The following BAP1 variants were observed in gnomAD, a reference collection of about 807,000 sequenced individuals.
BAP1 encodes BRCA1 associated deubiquitinase 1.
Under a neutral mutation model 77.2 loss-of-function variants are expected in BAP1, and 16 were observed. That is an observed-to-expected ratio of 0.21 (90% CI 0.14 to 0.31). BAP1 has a LOEUF of 0.31. Among genes scored for constraint, BAP1 ranks in the 10% least tolerant of loss-of-function variants. The probability of loss-of-function intolerance (pLI) is 1.00; values close to 1 mark genes in which losing one functional copy is unlikely to be tolerated. For synonymous variants in BAP1, 362 were observed against 385.2 expected (o/e 0.94, Z 0.71); for missense variants, 699 against 967.3 (o/e 0.72, Z 3.68).
Position 52,406,493 on chromosome 3 carries a change from C to T in BAP1, c.660-117G>A. On this transcript the variant is annotated intron_variant, in intron 8 of 16. Transcript: ENST00000460680. This position sits in a 1 kb window ranked among gnomAD's most constrained non-coding sequence, Gnocchi z 4.6. ...CACCTGCAGCTGTAGGTATAGGCCC[C>T]ACCCCAACAGGCAGGCAGCGACTAG... 1.3e-6 allele frequency: 2 copies of T among 1,502,042 alleles called. No individual in the cohort carries two copies. The highest frequency in any genetic ancestry group is 2.3e-5 in the East Asian group (1 of 42,590). The allele number at this position is 1,502,042 out of a possible 1,614,324, so 93.0% of individuals were successfully genotyped here. A position where few individuals can be genotyped will look rare whatever the true frequency, so the allele number is the denominator to read the frequency against.
At position 52,403,377 on chromosome 3, in the gene BAP1, G is replaced by C. The variant is rs373869774; in HGVS notation, c.1729+39C>G. The C allele has an allele frequency of 1.0e-4, 161 of 1,612,268 alleles. No individual in the cohort carries two copies. In the African/African-American group the frequency reaches 1.3e-3, roughly 13 times the overall value. On this transcript the variant is annotated intron_variant, in intron 13 of 16. Coordinates refer to ENST00000460680, the MANE Select transcript of BAP1 (RefSeq NM_004656.4). This position sits in a 1 kb window ranked among gnomAD's most constrained non-coding sequence, Gnocchi z 4.0. ...CTTGGCCACTTCCCTCCTCCCTCCT[G>C]GGTGCACCAAGTGGCCAGTGAGCCA...
intron 10 of BAP1, 131 bp from the exon 11 acceptor site, chr3:52,405,425 C>A: frequency 1.2e-6 from 1 of 865,810 alleles, no homozygotes; most frequent in Non-Finnish European, 1.7e-6. Context: ...TGGGAGTCAG[C>A]AAGCTCTAAG....
In BAP1 at chr3:52,406,300, G is replaced by C. The variant is rs999764581; in HGVS notation, c.736C>G (p.His246Asp). 6.2e-7 allele frequency: 1 copy of C among 1,614,206 alleles called. No homozygotes were observed. Among genetic ancestry groups the C allele is most frequent in the African/African-American group, 1.3e-5 (1 of 75,068 alleles). Residue 246 changes from histidine (H) to aspartate (D), a missense_variant, in exon 9 of 17, where the codon CAT becomes GAT. Coordinates refer to ENST00000460680, the MANE Select transcript of BAP1 (RefSeq NM_004656.4). This position sits in a 1 kb window ranked among gnomAD's most constrained non-coding sequence, Gnocchi z 4.6. ...GTCTGACGGTTCACCTTCAGCACATGCAGCCTGGCCTCATACTTGATCCTG... is the reference window on the plus strand; with the variant it reads ...GTCTGACGGTTCACCTTCAGCACATCCAGCCTGGCCTCATACTTGATCCTG... ...DRRIKYEARL[H>D]VLKVNRQTVL...
chr3:52,406,928 G>A lies in BAP1; in HGVS notation c.581-21C>T, dbSNP rs542651543. 3 of 1,562,196 alleles carry A rather than the reference G, an allele frequency of 1.9e-6. No homozygotes were observed. The South Asian group carries it at 3.5e-5, about 18-fold the overall frequency. ...GGGCCCTAGTGGAGACCAAGACAAG[G>A]AATCAGCGAGAAGGAAACCCTGAGT... On this transcript the variant is annotated intron_variant, in intron 7 of 16. Coordinates refer to ENST00000460680, the MANE Select transcript of BAP1 (RefSeq NM_004656.4). The surrounding 1 kb of genome is among the most constrained non-coding windows in gnomAD (Gnocchi z 4.6).
rs946145283 is a variant in BAP1, at chr3:52,403,734, C to T, written c.1411G>A (p.Ala471Thr). ...GGCACTGCCACAGCCGGACTCCCAG[C>T]CCCGCTGCTAGTCTTGATGGACAGA... ...IPLSIKTSSG[A>T]GSPAVAVPTH... The change falls in exon 13 of 17, where the codon GCT (alanine) becomes ACT (threonine). Residue 471 changes from alanine (A) to threonine (T), a missense_variant. Coordinates refer to ENST00000460680, the MANE Select transcript of BAP1 (RefSeq NM_004656.4). The surrounding 1 kb of genome is among the most constrained non-coding windows in gnomAD (Gnocchi z 4.0). 1.2e-6 allele frequency: 2 copies of T among 1,613,924 alleles called. No homozygotes were observed. The highest frequency in any genetic ancestry group is 2.7e-5 in the African/African-American group (2 of 74,898).
Position 52,402,326 on chromosome 3 carries a change from G to C in BAP1, c.2152C>G (p.Arg718Gly). 1 of 1,593,896 alleles carries C rather than the reference G, an allele frequency of 6.3e-7. No homozygotes were observed. Among genetic ancestry groups the C allele is most frequent in the Non-Finnish European group, 8.5e-7 (1 of 1,171,758 alleles). ...GCCTTGTAGGGGCGAGAGCGTTTCC[G>C]CCGGTCAGGCTTCCGCTGCTTGTGG... ...RLHKQRKPDR[R>G]KRSRPYKAKR... is the part of the protein sequence containing the mutation. Residue 718 changes from arginine (R) to glycine (G), a missense_variant, in exon 17 of 17, where the codon CGG becomes GGG. Arg to Gly is a moderately radical substitution (Grantham distance 125). Coordinates refer to ENST00000460680, the MANE Select transcript of BAP1 (RefSeq NM_004656.4). The surrounding 1 kb of genome is among the most constrained non-coding windows in gnomAD (Gnocchi z 5.3).
Position 52,409,540 on chromosome 3 carries a change from G to T in BAP1, c.122+14C>A, listed in dbSNP as rs769043598. ...TCTGGGTGTAAGGGGCAGCCCTGGT[G>T]TACAGCCACTCACCCCTGACATTTG... On this transcript the variant is annotated intron_variant, in intron 3 of 16. Coordinates refer to ENST00000460680, the MANE Select transcript of BAP1 (RefSeq NM_004656.4). 1 of 1,614,022 alleles carries T rather than the reference G, an allele frequency of 6.2e-7. No individual in the cohort carries two copies. The highest frequency in any genetic ancestry group is 1.3e-5 in the African/African-American group (1 of 74,904).
At position 52,406,047 on chromosome 3, in the gene BAP1, AC is replaced by A; in HGVS notation, c.784-136del. 2.7e-6 allele frequency: 4 copies of A among 1,500,058 alleles called. No homozygotes were observed. Among genetic ancestry groups the A allele is most frequent in the Non-Finnish European group, 3.6e-6 (4 of 1,102,442 alleles). 92.9% of individuals were successfully genotyped at this position (1,500,058 alleles called of 1,614,324 possible). A position where few individuals can be genotyped will look rare whatever the true frequency, so the allele number is the denominator to read the frequency against. On this transcript the variant is annotated intron_variant, in intron 9 of 16. Coordinates refer to ENST00000460680, the MANE Select transcript of BAP1 (RefSeq NM_004656.4). This position sits in a 1 kb window ranked among gnomAD's most constrained non-coding sequence, Gnocchi z 4.6. Reference sequence around the variant, plus strand: ...ACTCACAGGGAAATAAAACACCCAAACCCAAACTTCCTTTTAGAAGCTATTC... The same window carrying A: ...ACTCACAGGGAAATAAAACACCCAAACCAAACTTCCTTTTAGAAGCTATTC...
chr3:52,403,596 T>G lies in BAP1; in HGVS notation c.1549A>C (p.Thr517Pro), dbSNP rs1449536422. 6.2e-7 allele frequency: 1 copy of G among 1,613,904 alleles called. No homozygotes were observed. The highest frequency in any genetic ancestry group is 8.5e-7 in the Non-Finnish European group (1 of 1,179,990). ...GAGGTGACAGGGCTGGAGGGCCGCG[T>G]CGGGTTGGCTGAGCGGATAGGCGAG... ...LRSPIRSANP[T>P]RPSSPVTSHI... Residue 517 changes from threonine to proline, a missense_variant, in exon 13 of 17, where the codon ACG becomes CCG. Thr to Pro is a conservative substitution (Grantham distance 38). Around this residue, in one of 3 missense-constraint regions of BAP1, gnomAD observed 475 missense variants for 532.4 expected, o/e 0.89. Coordinates refer to ENST00000460680, the MANE Select transcript of BAP1 (RefSeq NM_004656.4). The surrounding 1 kb of genome is among the most constrained non-coding windows in gnomAD (Gnocchi z 4.0).
At position 52,408,097 on chromosome 3, in the gene BAP1, C is replaced by A. The variant is rs949325542; in HGVS notation, c.256-20G>T. 4 of 1,588,572 alleles carry A rather than the reference C, an allele frequency of 2.5e-6. No homozygotes were observed. In the African/African-American group the frequency reaches 5.4e-5, roughly 21 times the overall value. On this transcript the variant is annotated intron_variant, in intron 4 of 16. Transcript: ENST00000460680. ...TATCAGCTGTGAAACCAAGAATAGT[C>A]ACCCATACACAGCACCCCTCACTGC...
chr3:52,405,259 C>A lies in BAP1; in HGVS notation c.967G>T (p.Ala323Ser). The A allele has an allele frequency of 1.2e-6, 2 of 1,613,872 alleles. No homozygotes were observed. The highest frequency in any genetic ancestry group is 1.7e-6 in the Non-Finnish European group (2 of 1,180,016). Residue 323 changes from alanine to serine, a missense_variant, in exon 11 of 17, where the codon GCC becomes TCC. Ala to Ser is a moderately conservative substitution (Grantham distance 99). This residue lies in a region of BAP1 where 475 missense variants were observed against 532.4 expected (regional missense o/e 0.89). Transcript: ENST00000460680. ...TTGTTGGGAGGGCTGTGGGATGGGG[C>A]TTGTGCGCATGAACCAGCCGCCTCC... ...AEEAAGSCAQ[A>S]PSHSPPNKPK...
rs1704953899 is a variant in BAP1, at chr3:52,401,517, A to C, written c.*771T>G. ...GCCCATAGCTAGGGCCACAACACTGAAGGCGAAGAGCCCTAGAACCTTGCT... is the reference window on the plus strand; with the variant it reads ...GCCCATAGCTAGGGCCACAACACTGCAGGCGAAGAGCCCTAGAACCTTGCT... On this transcript the variant is annotated 3_prime_UTR_variant, in exon 17 of 17. Coordinates refer to ENST00000460680, the MANE Select transcript of BAP1 (RefSeq NM_004656.4). The C allele has an allele frequency of 4.3e-6, 1 of 233,654 alleles. No homozygotes were observed. The highest frequency in any genetic ancestry group is 5.6e-5 in the Admixed American group (1 of 17,788). The allele number at this position is 233,654 out of a possible 1,614,324, so 14.5% of individuals were successfully genotyped here.
intron 12 of BAP1, among the ~76,000 whole-genome samples, chr3:52,404,238 A>G (rs763804675): frequency 7.2e-5 from 11 of 152,210 alleles, no homozygotes; most frequent in Non-Finnish European, 1.3e-4. Flanking sequence ...CCAATAGGAC[A>G]TGATATAAGC....
At position 52,405,492 on chromosome 3, in the gene BAP1, GAAAAAAAAAAA is replaced by G. The variant is rs71084182; in HGVS notation, c.932-209_932-199del. 22 of 81,316 alleles carry G rather than the reference GAAAAAAAAAAA, an allele frequency of 2.7e-4. No individual in the cohort carries two copies. In the East Asian group the frequency reaches 2.9e-3, roughly 11 times the overall value. The allele number at this position is 81,316 out of a possible 1,614,324, so 5.0% of individuals were successfully genotyped here. On this transcript the variant is annotated intron_variant, in intron 10 of 16. Transcript: ENST00000460680. The stretch of plus-strand genomic sequence containing the variant: ...TGAGATGGGAAAAAAGAAGCAGGAA[GAAAAAAAAAAA>G]AAAAAAAAAAAAAAAAAACCGCCTC...
rs552302223 is a variant in BAP1 at position 52,408,761 on chromosome 3, G to T, written c.123-155C>A. 6.6e-4 allele frequency among the ~76,000 whole-genome samples: 101 copies of T among 152,366 alleles called. 1 individual carries two copies. The highest frequency in any genetic ancestry group is 2.3e-3 in the African/African-American group (96 of 41,590). On this transcript the variant is annotated intron_variant, in intron 3 of 16. Coordinates refer to ENST00000460680, the MANE Select transcript of BAP1 (RefSeq NM_004656.4). ...CTGGCTTCTTCCCAACACTGTGTCT[G>T]AAGTGGCCTTGTGCCCTCACACACC...
intron 3 of BAP1, 69 bp downstream of exon 3, chr3:52,409,485 G>C (rs2153228464): frequency 6.3e-7 from 1 of 1,589,548 alleles, no homozygotes; most frequent in Non-Finnish European, 8.6e-7. Flanking sequence ...TTCCCTAAGG[G>C]GCCCTGTTCT....
rs546888007 is a variant in BAP1, at chr3:52,403,467, C to T, written c.1678G>A (p.Gly560Ser). Reference protein sequence around the residue: ...VRDLGPVISTGLLHLAEDGVL... With the variant: ...VRDLGPVISTSLLHLAEDGVL... ...CCATCCTCAGCCAGGTGCAGCAGGC[C>T]TGTGCTGATGACAGGACCCAGATCA... is the stretch of plus-strand genomic sequence containing the variant. The change falls in exon 13 of 17, where the codon GGC becomes AGC. Residue 560 changes from glycine (G) to serine (S), a missense_variant. Physicochemically the swap from Gly to Ser is moderately conservative, Grantham distance 56 (BLOSUM62 0). This residue lies in a region of BAP1 where 475 missense variants were observed against 532.4 expected (regional missense o/e 0.89). Transcript: ENST00000460680. This position sits in a 1 kb window ranked among gnomAD's most constrained non-coding sequence, Gnocchi z 4.0. The T allele has an allele frequency of 2.5e-6, 4 of 1,613,960 alleles. No individual in the cohort carries two copies. The highest frequency in any genetic ancestry group is 2.2e-5 in the East Asian group (1 of 44,892).
intron 3 of BAP1, 39 bp from the exon 4 acceptor site, chr3:52,408,645 G>A (rs752570203): frequency 3.1e-5 from 50 of 1,594,586 alleles, no homozygotes; most frequent in Non-Finnish European, 4.0e-5. Context: ...CAGCCAAAGG[G>A]GAGAAGACAA....
intron 11 of BAP1, 148 bp downstream of exon 11, chr3:52,404,962 T>C: frequency 9.5e-7 from 1 of 1,054,656 alleles, no homozygotes; most frequent in Non-Finnish European, 1.4e-6. Context: ...CCTTTTCATA[T>C]CAGGCAGAGG....
Sources: gnomAD v4.1 joint callset for allele counts (sites outside exome capture counted in the v4.1 genomes callset) on GRCh38, gnomAD v4.1.1 for gene constraint, gnomAD v4.1.1 regional missense constraint, Gnocchi (gnomAD v3.1) non-coding constraint, MANE v1.5 for transcripts, NCBI Gene and HGNC (gene_info 2026-07-23, HGNC 2026-07-21) for gene names.